Variants in SPRING1 observed in about 807,000 individuals in gnomAD.
SPRING1 encodes SREBP regulating gene protein.
In SPRING1, 14 loss-of-function variants were observed where a neutral mutation model predicts 24.7. The ratio of observed to expected loss-of-function variants is 0.57; its 90% confidence interval spans 0.37 to 0.88. The LOEUF is 0.88. Among genes scored for constraint, SPRING1 ranks in the 40% least tolerant of loss-of-function variants. The probability of loss-of-function intolerance (pLI) is 0.00; values close to 1 mark genes in which losing one functional copy is unlikely to be tolerated. For missense variants in SPRING1, 255 were observed against 268.4 expected, an observed-to-expected ratio of 0.95 and a Z score of 0.35; for synonymous variants, 93 against 106.1, an observed-to-expected ratio of 0.88 and a Z score of 0.76.
At chr12:116,735,104 T>A (rs1871159779) in intron 1 of SPRING1, among the ~76,000 whole-genome samples, 2 of 152,136 alleles carry the variant, frequency 1.3e-5, no homozygotes, top group Admixed American at 1.3e-4. Context: ...GCAGAGCCAA[T>A]ATTGTGGATA....
rs1451453119 is a variant in SPRING1 at position 116,728,036 on chromosome 12, G to T, written c.112-4813C>A. 2.0e-5 allele frequency among the ~76,000 whole-genome samples: 3 copies of T among 152,156 alleles called. No homozygotes were observed. The highest frequency in any genetic ancestry group is 4.4e-5 in the Non-Finnish European group (3 of 68,032). Reference sequence around the variant, plus strand: ...TCCTTTAAGGCTGAACACGTTCGTAGATTTTCAAGGAGTTATGCAAACAGC... The same window carrying T: ...TCCTTTAAGGCTGAACACGTTCGTATATTTTCAAGGAGTTATGCAAACAGC... On this transcript the variant is annotated intron_variant, in intron 1 of 4. Transcript: ENST00000261318. The surrounding 1 kb of genome is among the most constrained non-coding windows in gnomAD (Gnocchi z 4.2).
chr12:116,719,796 CTCA>C lies in SPRING1; in HGVS notation c.498_500del (p.Phe166_Glu167delinsLeu). The C allele has an allele frequency of 6.2e-7, 1 of 1,614,198 alleles. No homozygotes were observed. On this transcript the variant is annotated inframe_deletion, in exon 4 of 5. Coordinates refer to ENST00000261318, the MANE Select transcript of SPRING1 (RefSeq NM_024738.4). The stretch of plus-strand genomic sequence containing the variant: ...AGGTCCTGCATTTGGCCAGGCACAA[CTCA>C]AAGTGATCTTCGACTGCCATGAAGA...
intron 2 of SPRING1, among the ~76,000 whole-genome samples, chr12:116,722,701 G>A (rs1048222759): frequency 6.6e-6 from 1 of 152,166 alleles, no homozygotes; most frequent in African/African-American, 2.4e-5. Flanking sequence ...AAGGAAAACT[G>A]AGCTCTTATC....
intron 2 of SPRING1, among the ~76,000 whole-genome samples, 153 bp downstream of exon 2, chr12:116,722,914 T>C (rs1338187812): frequency 6.6e-6 from 1 of 152,158 alleles, no homozygotes; most frequent in Non-Finnish European, 1.5e-5. Flanking sequence ...GAATGATGAG[T>C]AGGGTATAGA....
At chr12:116,723,642 CTTTCG>C (rs1870547692) in intron 1 of SPRING1, among the ~76,000 whole-genome samples, 1 of 152,146 alleles carries the variant, frequency 6.6e-6, no homozygotes, top group Non-Finnish European at 1.5e-5. Context: ...GCAGAAGAAA[CTTTCG>C]TGACTCTCAT....
intron 1 of SPRING1, among the ~76,000 whole-genome samples, chr12:116,732,813 G>A (rs1871044937): frequency 6.6e-6 from 1 of 152,244 alleles, no homozygotes; most frequent in South Asian, 2.1e-4. Context: ...AATTGAGAAT[G>A]TGGGCTTTAA....
chr12:116,720,548 G>A lies in SPRING1; in HGVS notation c.269-101C>T, dbSNP rs1870378348. 1.2e-5 allele frequency: 17 copies of A among 1,450,094 alleles called. No homozygotes were observed. The highest frequency in any genetic ancestry group is 1.4e-5 in the Non-Finnish European group (15 of 1,059,626). 89.8% of individuals were successfully genotyped at this position (1,450,094 alleles called of 1,614,324 possible). A position where few individuals can be genotyped will look rare whatever the true frequency, so the allele number is the denominator to read the frequency against. ...CAGTGAAAGTACACAGACAGAAGCT[G>A]GAGTCTGGGGCATCATCCTAAGCAC... is the stretch of plus-strand genomic sequence containing the variant. On this transcript the variant is annotated intron_variant, in intron 2 of 4. Coordinates refer to ENST00000261318, the MANE Select transcript of SPRING1 (RefSeq NM_024738.4). The surrounding 1 kb of genome is among the most constrained non-coding windows in gnomAD (Gnocchi z 4.0).
intron 1 of SPRING1, among the ~76,000 whole-genome samples, chr12:116,727,209 A>G (rs546862257): frequency 6.6e-6 from 1 of 152,336 alleles, no homozygotes; most frequent in South Asian, 2.1e-4. Flanking sequence ...AATGCTAAGG[A>G]TGCAGAGATG....
chr12:116,721,801 C>T (rs1252639281), intron 2 of SPRING1, among the ~76,000 whole-genome samples: 1 of 152,230 alleles, frequency 6.6e-6, no homozygotes, highest in Non-Finnish European at 1.5e-5. Flanking sequence ...GACCTAAACT[C>T]TGCCAGTTGA....
chr12:116,723,852 C>A (rs976181382), intron 1 of SPRING1, among the ~76,000 whole-genome samples: 1 of 152,184 alleles, frequency 6.6e-6, no homozygotes, highest in Admixed American at 6.5e-5. Flanking sequence ...CAGCCCTCTA[C>A]CCGGACAAGC....
intron 2 of SPRING1, among the ~76,000 whole-genome samples, chr12:116,722,688 A>G (rs1441188762): frequency 6.6e-6 from 1 of 152,212 alleles, no homozygotes; most frequent in East Asian, 1.9e-4. Flanking sequence ...TCAGGTTACC[A>G]AGAAGGAAAA....
rs1870836231 is a variant in SPRING1, at chr12:116,728,854, G to A, written c.112-5631C>T. Among the ~76,000 whole-genome samples the A allele has an allele frequency of 6.6e-6, 1 of 152,204 alleles. No individual in the cohort carries two copies. The stretch of plus-strand genomic sequence containing the variant: ...GGCCAAGTCAGACGCATGCAGGAGC[G>A]CCTCTGCCAGAGCACCCAGGACAGC... On this transcript the variant is annotated intron_variant, in intron 1 of 4. Transcript: ENST00000261318. This position sits in a 1 kb window ranked among gnomAD's most constrained non-coding sequence, Gnocchi z 4.2.
At chr12:116,737,022 T>C (rs992403414) in intron 1 of SPRING1, among the ~76,000 whole-genome samples, 4 of 152,166 alleles carry the variant, frequency 2.6e-5, no homozygotes, top group Non-Finnish European at 5.9e-5. Context: ...CCAGGCCTGC[T>C]GCGAAGATGA....
chr12:116,713,484 T>C lies in SPRING1; in HGVS notation c.*4326A>G, dbSNP rs1213433300. The C allele has an allele frequency of 6.6e-6, 1 of 152,130 alleles. No homozygotes were observed. The highest frequency in any genetic ancestry group is 1.5e-5 in the Non-Finnish European group (1 of 68,016). The allele number at this position is 152,130 out of a possible 1,614,324, so 9.4% of individuals were successfully genotyped here. A position where few individuals can be genotyped will look rare whatever the true frequency, so the allele number is the denominator to read the frequency against. ...AAATACATTCAAACAAGAACAGAGA[T>C]CCATTAGCAAAATGTTTAAAAATAA... On this transcript the variant is annotated 3_prime_UTR_variant, in exon 5 of 5. Coordinates refer to ENST00000261318, the MANE Select transcript of SPRING1 (RefSeq NM_024738.4).
rs527743798 is a variant in SPRING1 at position 116,713,724 on chromosome 12, T to C, written c.*4086A>G. On this transcript the variant is annotated 3_prime_UTR_variant, in exon 5 of 5. Coordinates refer to ENST00000261318, the MANE Select transcript of SPRING1 (RefSeq NM_024738.4). ...ATAATATTATTGTATATTCATGAAATTGACACCATGTGGCCACACAAATGC... is the reference window on the plus strand; with the variant it reads ...ATAATATTATTGTATATTCATGAAACTGACACCATGTGGCCACACAAATGC... The C allele has an allele frequency of 2.6e-5, 4 of 152,182 alleles. No homozygotes were observed. The highest frequency in any genetic ancestry group is 2.1e-4 in the South Asian group (1 of 4,826). The allele number at this position is 152,182 out of a possible 1,614,324, so 9.4% of individuals were successfully genotyped here. A position where few individuals can be genotyped will look rare whatever the true frequency, so the allele number is the denominator to read the frequency against.
intron 1 of SPRING1, among the ~76,000 whole-genome samples, chr12:116,737,334 G>A (rs1280382791): frequency 6.6e-6 from 1 of 152,044 alleles, no homozygotes; most frequent in African/African-American, 2.4e-5. Flanking sequence ...AGGAAGGGAA[G>A]GAAGGAGGAA....
rs1436214630 is a variant in SPRING1, at chr12:116,717,875, T to C, written c.553A>G (p.Thr185Ala). 6.2e-7 allele frequency: 1 copy of C among 1,607,864 alleles called. No individual in the cohort carries two copies. Among genetic ancestry groups the C allele is most frequent in the Non-Finnish European group, 8.5e-7 (1 of 1,176,634 alleles). The change falls in exon 5 of 5, where the codon ACC becomes GCC. Residue 185 changes from threonine to alanine, a missense_variant. Coordinates refer to ENST00000261318, the MANE Select transcript of SPRING1 (RefSeq NM_024738.4). The surrounding 1 kb of genome is among the most constrained non-coding windows in gnomAD (Gnocchi z 4.2). Reference sequence around the variant, plus strand: ...TACTTTGCTATGGGGTCCCGGTAGGTGTTCTCATGCTGCACGCTCTGTTGG... The same window carrying C: ...TACTTTGCTATGGGGTCCCGGTAGGCGTTCTCATGCTGCACGCTCTGTTGG... ...TSSQSVQHEN[T>A]YRDPIAKYCY...
chr12:116,731,755 CA>C (rs1401753414), intron 1 of SPRING1, among the ~76,000 whole-genome samples: 8 of 152,010 alleles, frequency 5.3e-5, no homozygotes, highest in African/African-American at 1.7e-4. Context: ...GTACCAAAAA[CA>C]AACAAATAAA....
At position 116,720,923 on chromosome 12, in the gene SPRING1, G is replaced by C. The variant is rs1423631335; in HGVS notation, c.269-476C>G. 6.6e-6 allele frequency among the ~76,000 whole-genome samples: 1 copy of C among 152,114 alleles called. No homozygotes were observed. Among genetic ancestry groups the C allele is most frequent in the South Asian group, 2.1e-4 (1 of 4,828 alleles). Reference sequence around the variant, plus strand: ...CTTTACAAATATCTTTCAGATGCTCGCTGCATACTGACTAATTTGGAGATT... The same window carrying C: ...CTTTACAAATATCTTTCAGATGCTCCCTGCATACTGACTAATTTGGAGATT... On this transcript the variant is annotated intron_variant, in intron 2 of 4. Coordinates refer to ENST00000261318, the MANE Select transcript of SPRING1 (RefSeq NM_024738.4). The surrounding 1 kb of genome is among the most constrained non-coding windows in gnomAD (Gnocchi z 4.0).
Sources: gnomAD v4.1 joint callset for allele counts (sites outside exome capture counted in the v4.1 genomes callset) on GRCh38, gnomAD v4.1.1 for gene constraint, Gnocchi (gnomAD v3.1) non-coding constraint, MANE v1.5 for transcripts, NCBI Gene and HGNC (gene_info 2026-07-23, HGNC 2026-07-21) for gene names.